Variants in TNRC6C observed in about 807,000 individuals in gnomAD.
TNRC6C encodes trinucleotide repeat containing adaptor 6C.
In TNRC6C, 20 loss-of-function variants were observed where a neutral mutation model predicts 153.7. The ratio of observed to expected loss-of-function variants is 0.13; its 90% CI spans 0.09 to 0.19. The LOEUF is 0.19. TNRC6C is among the 10% of genes least tolerant of loss of function. The pLI is 1.00. For missense variants in TNRC6C, 1,987 were observed against 2,172.0 expected (o/e 0.91, Z 1.69); for synonymous variants, 811 against 841.4 (o/e 0.96, Z 0.63).
chr17:77,972,511 T>TA (rs747461343), intron 1 of TNRC6C, among the ~76,000 whole-genome samples: 530 of 131,422 alleles, frequency 4.0e-3, no homozygotes, highest in African/African-American at 5.3e-3. Context: ...GACTCTGTCT[T>TA]AAAAAAAAAA....
intron 1 of TNRC6C, chr17:78,008,293 A>C (rs2071558421): frequency 6.6e-6 from 1 of 152,242 alleles, no homozygotes; most frequent in Non-Finnish European, 1.5e-5. Flanking sequence ...GCTTTGTAAA[A>C]TTACCACTGA....
chr17:78,092,976 C>T (rs935578200), exon 15 of TNRC6C: 2 of 1,613,906 alleles, frequency 1.2e-6, no homozygotes, highest in Non-Finnish European at 1.7e-6. Context: ...CAGGTAAGTC[C>T]TCCATTGATG....
upstream of TNRC6C, chr17:78,004,305 CATT>C (rs890040892): frequency 2.4e-5 from 30 of 1,231,626 alleles, 1 homozygote; most frequent in African/African-American, 3.7e-4. Context: ...GTCTTTGTAT[CATT>C]GTGTGTCTCA....
chr17:78,081,997 T>G (rs573501489), intron 10 of TNRC6C, among the ~76,000 whole-genome samples: 2 of 152,032 alleles, frequency 1.3e-5, no homozygotes, highest in East Asian at 3.9e-4. Context: ...ATTCTTTACG[T>G]GCTAACTACT....
At chr17:78,081,837 C>G (rs1451091411) in intron 10 of TNRC6C, among the ~76,000 whole-genome samples, 1 of 152,186 alleles carries the variant, frequency 6.6e-6, no homozygotes, top group African/African-American at 2.4e-5. Context: ...TGCCGTCTCA[C>G]TGTTTCTTCT....
intron 1 of TNRC6C, among the ~76,000 whole-genome samples, chr17:77,986,274 G>C (rs2071166078): frequency 6.6e-6 from 1 of 152,094 alleles, no homozygotes; most frequent in African/African-American, 2.4e-5. Context: ...AATTAGCCAG[G>C]CATGGTGGCA....
At chr17:78,002,296 G>C (rs184457481), upstream of TNRC6C, among the ~76,000 whole-genome samples, 22 of 152,214 alleles carry the variant, frequency 1.4e-4, no homozygotes, top group East Asian at 3.9e-3. Flanking sequence ...AAGAGTAACA[G>C]ATTCTTCTCA....
At chr17:78,041,670 C>T (rs553678846) in intron 2 of TNRC6C, among the ~76,000 whole-genome samples, 2 of 152,248 alleles carry the variant, frequency 1.3e-5, no homozygotes, top group South Asian at 4.1e-4. Flanking sequence ...GATCTTTACA[C>T]CCAGTAAATG....
chr17:78,091,326 CA>C (rs60735984), intron 13 of TNRC6C, 113 bp from the exon 16 acceptor site: 82,857 of 1,014,932 alleles, frequency 0.082, 9 homozygotes, highest in South Asian at 0.13. Flanking sequence ...GACTCCGTCT[CA>C]AAAAAAAAAA....
chr17:77,972,077 C>T lies in TNRC6C; in HGVS notation c.-38+12809C>T, dbSNP rs577026266. On this transcript the variant is annotated intron_variant, in intron 1 of 22. Transcript: ENST00000636222. ...AAAAAAGTAGAGATTGGAGTGGAAA[C>T]CAAAGAAATAGAAACATAAAAACAA... Among the ~76,000 whole-genome samples the T allele has an allele frequency of 2.0e-5, 3 of 151,556 alleles. No individual in the cohort carries two copies. In the South Asian group the frequency reaches 6.2e-4, roughly 32 times the overall value.
chr17:78,090,127 G>A (rs984247688), intron 13 of TNRC6C, among the ~76,000 whole-genome samples: 3 of 152,228 alleles, frequency 2.0e-5, no homozygotes, highest in Non-Finnish European at 2.9e-5. Flanking sequence ...TTAGGTCTGC[G>A]AAGTGTGTGT....
intron 1 of TNRC6C, among the ~76,000 whole-genome samples, chr17:77,985,963 AATT>A (rs931871852): frequency 6.6e-6 from 1 of 152,226 alleles, no homozygotes; most frequent in African/African-American, 2.4e-5. Flanking sequence ...TAAGCTAAAA[AATT>A]ATTTGATGCA....
In TNRC6C at chr17:78,049,819, C is replaced by A; in HGVS notation, c.757C>A (p.Pro253Thr). 1 of 1,611,564 alleles carries A rather than the reference C, an allele frequency of 6.2e-7. No individual in the cohort carries two copies. Among genetic ancestry groups the A allele is most frequent in the African/African-American group, 1.3e-5 (1 of 75,028 alleles). Residue 253 changes from proline (P) to threonine (T), a missense_variant, in exon 3 of 20, where the codon CCA (proline) becomes ACA (threonine). Physicochemically the swap from Pro to Thr is conservative, Grantham distance 38. Around this residue, in one of 4 missense-constraint regions of TNRC6C, gnomAD observed 1,052 missense variants for 1,017.0 expected, o/e 1.03. Coordinates refer to ENST00000301624, the Ensembl canonical transcript of TNRC6C. This position sits in a 1 kb window ranked among gnomAD's most constrained non-coding sequence, Gnocchi z 4.1. ...AAGCAATTCTGTGTGGGGACTGTCC[C>A]CAGGTAACCCTGCCACAGGAAATAG...
At chr17:78,004,278 GA>G (rs2143185577), upstream of TNRC6C, 4 of 1,231,724 alleles carry the variant, frequency 3.2e-6, no homozygotes, top group East Asian at 1.3e-4. Context: ...AGGTTTGGCT[GA>G]AGTTCCTGCT....
In TNRC6C at chr17:78,068,951, C is replaced by T. The variant is rs181956373; in HGVS notation, c.2778+1028C>T. Among the ~76,000 whole-genome samples, 10 of 152,094 alleles carry T rather than the reference C, an allele frequency of 6.6e-5. No homozygotes were observed. In the East Asian group the frequency reaches 1.5e-3, roughly 23 times the overall value. ...GCATGACTGAATTTCAAGTAGGTCA[C>T]AAACTTAAATATTAAAAATATGAAA... On this transcript the variant is annotated intron_variant, in intron 5 of 19. Coordinates refer to ENST00000301624, the Ensembl canonical transcript of TNRC6C.
chr17:78,101,922 TGGCCAGTTTTGG>T (rs1018113309), intron 17 of TNRC6C, among the ~76,000 whole-genome samples: 3 of 148,190 alleles, frequency 2.0e-5, no homozygotes, highest in African/African-American at 7.4e-5. Context: ...GTTTTTTTTA[TGGCCAGTTTTGG>T]GGCCAGTTTA....
In TNRC6C at chr17:78,075,141, C is replaced by T. The variant is rs1441264668; in HGVS notation, c.2923C>T (p.Leu975=). 6.2e-7 allele frequency: 1 copy of T among 1,613,364 alleles called. No individual in the cohort carries two copies. The highest frequency in any genetic ancestry group is 8.5e-7 in the Non-Finnish European group (1 of 1,179,662). The stretch of plus-strand genomic sequence containing the variant: ...TTCTGTTTGTTGTGCTCCAGGCGCT[C>T]TGCTGGAAAAGAAGGTGGACGTGGA... Residue 975 remains leucine, a synonymous_variant, in exon 8 of 20, where the codon CTG becomes TTG. Transcript: ENST00000301624. This position sits in a 1 kb window ranked among gnomAD's most constrained non-coding sequence, Gnocchi z 4.2.
chr17:78,095,155 G>A (rs1374009838), intron 16 of TNRC6C, among the ~76,000 whole-genome samples: 2 of 152,206 alleles, frequency 1.3e-5, no homozygotes, highest in East Asian at 1.9e-4. Context: ...AGAGCTTCCC[G>A]AGTGGTGCCC....
intron 18 of TNRC6C, 42 bp from the exon 22 acceptor site, chr17:78,103,372 T>C: frequency 6.2e-7 from 1 of 1,606,478 alleles, no homozygotes; most frequent in Non-Finnish European, 8.5e-7. Context: ...GTGAAAGAAA[T>C]CAGAAGAAAG....
Sources: gnomAD v4.1 joint callset for allele counts (sites outside exome capture counted in the v4.1 genomes callset) on GRCh38, gnomAD v4.1.1 for gene constraint, gnomAD v4.1.1 regional missense constraint, Gnocchi (gnomAD v3.1) non-coding constraint, MANE v1.5 for transcripts, NCBI Gene and HGNC (gene_info 2026-07-23, HGNC 2026-07-21) for gene names.